The following SLCO1A2 variants were observed in gnomAD, a reference collection of about 807,000 sequenced individuals.
SLCO1A2 encodes the protein OATP-1.
In SLCO1A2, 67 loss-of-function variants were observed where a neutral mutation model predicts 69.0. That is an observed-to-expected ratio of 0.97 (90% confidence interval 0.80 to 1.19). The LOEUF (loss-of-function observed/expected upper bound fraction) is 1.19. Ranked by LOEUF, SLCO1A2 falls within the 50% of genes most tolerant of loss-of-function variation. The pLI is 0.00. For missense variants in SLCO1A2, 787 were observed against 793.7 expected (o/e 0.99, Z 0.10); for synonymous variants, 260 against 265.9 (o/e 0.98, Z 0.22).
intron 9 of SLCO1A2, among the ~76,000 whole-genome samples, chr12:21,296,804 A>G (rs1395162163): frequency 2.6e-5 from 4 of 152,184 alleles, no homozygotes; most frequent in Non-Finnish European, 4.4e-5. Flanking sequence ...CTGAGGGGGA[A>G]CCCCAGGTAT....
At chr12:21,338,401 T>C (rs1952958936), upstream of SLCO1A2, among the ~76,000 whole-genome samples, 1 of 151,914 alleles carries the variant, frequency 6.6e-6, no homozygotes, top group South Asian at 2.1e-4. Context: ...CTGATCATCC[T>C]GGCCTTCAGT....
rs754564502 is a variant in SLCO1A2 at position 21,373,389 on chromosome 12, T to C, written c.-63+1010A>G. On this transcript the variant is annotated intron_variant, in intron 2 of 15. Coordinates refer to the SLCO1A2 transcript ENST00000307378. ...AAGCTGCAAGTATTTCTCATTGTGCTCTCTGTTGCATTGAACCATCTGAAA... is the reference window on the plus strand; with the variant it reads ...AAGCTGCAAGTATTTCTCATTGTGCCCTCTGTTGCATTGAACCATCTGAAA... 3 of 1,613,560 alleles carry C rather than the reference T, an allele frequency of 1.9e-6. No individual in the cohort carries two copies. The African/African-American group carries it at 4.0e-5, about 22-fold the overall frequency.
chr12:21,328,787 T>C (rs1952422506), intron 2 of SLCO1A2, among the ~76,000 whole-genome samples: 1 of 151,998 alleles, frequency 6.6e-6, no homozygotes, highest in Non-Finnish European at 1.5e-5. Context: ...AAAAAAGAAT[T>C]ACTTCAGAGG....
chr12:21,302,475 T>G (rs1316660858), intron 6 of SLCO1A2, among the ~76,000 whole-genome samples: 1 of 152,184 alleles, frequency 6.6e-6, no homozygotes, highest in Non-Finnish European at 1.5e-5. Context: ...CCCAGTATTT[T>G]ATCCTAATAT....
intron 1 of SLCO1A2, among the ~76,000 whole-genome samples, chr12:21,413,390 C>CTAAAAAAAATT (rs1941943283): frequency 6.6e-6 from 1 of 151,476 alleles, no homozygotes; most frequent in African/African-American, 2.4e-5. Flanking sequence ...TACAGGCGCG[C>CTAAAAAAAATT]GCCACCATGC....
At chr12:21,317,236 A>G (rs1950990281) in intron 3 of SLCO1A2, among the ~76,000 whole-genome samples, 1 of 152,210 alleles carries the variant, frequency 6.6e-6, no homozygotes, top group Admixed American at 6.5e-5. Flanking sequence ...GCAGGCACAC[A>G]AAGCTCTCAT....
intron 2 of SLCO1A2, among the ~76,000 whole-genome samples, chr12:21,330,742 A>G (rs1034900581): frequency 4.6e-5 from 7 of 152,208 alleles, no homozygotes; most frequent in Admixed American, 2.6e-4. Context: ...CCAGTTCTTT[A>G]GTGTTGCATG....
chr12:21,364,013 T>C (rs1018488295), intron 2 of SLCO1A2, among the ~76,000 whole-genome samples: 2 of 152,038 alleles, frequency 1.3e-5, no homozygotes, highest in African/African-American at 2.4e-5. Flanking sequence ...TTCCAATCAA[T>C]AGAAAAAGAG....
intron 12 of SLCO1A2, among the ~76,000 whole-genome samples, chr12:21,283,441 T>C (rs973591096): frequency 1.3e-5 from 2 of 152,072 alleles, no homozygotes; most frequent in Non-Finnish European, 2.9e-5. Flanking sequence ...AAGACTTAAA[T>C]CTAAGACCTC....
chr12:21,410,169 A>T (rs550686448), intron 1 of SLCO1A2, among the ~76,000 whole-genome samples: 10 of 152,278 alleles, frequency 6.6e-5, no homozygotes, highest in African/African-American at 2.4e-4. Flanking sequence ...TATCTCCTCC[A>T]GTCTGAGGAA....
intron 11 of SLCO1A2, among the ~76,000 whole-genome samples, chr12:21,293,566 A>AATATAT (rs550783098): frequency 9.5e-5 from 10 of 104,762 alleles, no homozygotes; most frequent in Admixed American, 8.5e-4. Flanking sequence ...TACACAGAAA[A>AATATAT]ATATATATAT....
At chr12:21,345,081 A>C (rs1002103281) in intron 2 of SLCO1A2, among the ~76,000 whole-genome samples, 1 of 151,942 alleles carries the variant, frequency 6.6e-6, no homozygotes, top group Non-Finnish European at 1.5e-5. Flanking sequence ...CAATAAAAGA[A>C]GCTGGTTAAT....
intron 1 of SLCO1A2, among the ~76,000 whole-genome samples, chr12:21,388,100 C>A (rs181691349): frequency 1.2e-4 from 19 of 152,180 alleles, no homozygotes; most frequent in Admixed American, 4.6e-4. Context: ...TGTCTGTACC[C>A]CTATTGTATC....
intron 2 of SLCO1A2, among the ~76,000 whole-genome samples, chr12:21,320,601 C>A (rs1411729260): frequency 6.6e-6 from 1 of 152,056 alleles, no homozygotes; most frequent in African/African-American, 2.4e-5. Flanking sequence ...TGGGTTCAAG[C>A]AATTTTCCCA....
chr12:21,347,239 G>C lies in SLCO1A2; in HGVS notation c.-62-12530C>G, dbSNP rs187394316. ...TTGTAACTATTTATAGGCTATGATG[G>C]AGGCCTATTTATAAGCCTTTCTAAA... is the stretch of plus-strand genomic sequence containing the variant. On this transcript the variant is annotated intron_variant, in intron 2 of 15. Transcript: ENST00000307378. 4.8e-3 allele frequency among the ~76,000 whole-genome samples: 738 copies of C among 152,294 alleles called. 9 individuals carry two copies. The highest frequency in any genetic ancestry group is 0.017 in the African/African-American group (712 of 41,568).
At chr12:21,271,850 A>C (rs1374165008) in intron 14 of SLCO1A2, among the ~76,000 whole-genome samples, 1 of 148,648 alleles carries the variant, frequency 6.7e-6, no homozygotes, top group East Asian at 1.9e-4. Context: ...ATTTATATAC[A>C]TATATTTGTA....
chr12:21,358,921 G>A (rs927894688), intron 2 of SLCO1A2, among the ~76,000 whole-genome samples: 1 of 152,120 alleles, frequency 6.6e-6, no homozygotes, highest in African/African-American at 2.4e-5. Context: ...AAGAACACAT[G>A]AGAGAGGAAA....
Position 21,300,033 on chromosome 12 carries a change from TG to T in SLCO1A2, c.910+314del, listed in dbSNP as rs552950286. 5.3e-3 allele frequency among the ~76,000 whole-genome samples: 777 copies of T among 147,442 alleles called. 11 individuals are homozygous for T. The highest frequency in any genetic ancestry group is 0.02 in the African/African-American group (744 of 37,694). On this transcript the variant is annotated intron_variant, in intron 8 of 14. Transcript: ENST00000683939. ...GTACATATATATGTGTATATATGTG[TG>T]TATATATATATGTGTGTGTACATAT...
At chr12:21,291,514 A>T (rs1281907176) in intron 12 of SLCO1A2, among the ~76,000 whole-genome samples, 1 of 152,178 alleles carries the variant, frequency 6.6e-6, no homozygotes, top group East Asian at 1.9e-4. Context: ...GCTCCAAAAG[A>T]AGAAGAAAAA....
Sources: gnomAD v4.1 joint callset for allele counts (sites outside exome capture counted in the v4.1 genomes callset) on GRCh38, gnomAD v4.1.1 for gene constraint, MANE v1.5 for transcripts, NCBI Gene and HGNC (gene_info 2026-07-23, HGNC 2026-07-21) for gene names.